Variants in RCAN3 observed in about 807,000 individuals in gnomAD.
The protein encoded by RCAN3 is regulator of calcineurin 3, also known as calcipressin-3.
In RCAN3, 19 loss-of-function variants were observed where a neutral mutation model predicts 21.9. That is an observed-to-expected ratio of 0.87 (90% CI 0.61 to 1.27). RCAN3 has a LOEUF of 1.27. Ranked by LOEUF, RCAN3 falls within the 50% of genes most tolerant of loss-of-function variation. RCAN3 has a pLI of 0.00. For synonymous variants in RCAN3, 114 were observed against 112.3 expected (o/e 1.01, Z -0.09); for missense variants, 240 against 300.1 (o/e 0.80, Z 1.48).
chr1:24,524,383 A>G (rs1057331800), intron 2 of RCAN3, among the ~76,000 whole-genome samples: 8 of 152,234 alleles, frequency 5.3e-5, no homozygotes, highest in African/African-American at 1.9e-4. Flanking sequence ...TGATGGCAAC[A>G]TAAATAATAA....
At chr1:24,518,593 T>TC (rs1437782507) in intron 2 of RCAN3, among the ~76,000 whole-genome samples, 5 of 151,492 alleles carry the variant, frequency 3.3e-5, no homozygotes, top group Admixed American at 6.6e-5. Flanking sequence ...TTTTTTTTTT[T>TC]CTCTGTCTTT....
At chr1:24,509,070 G>C (rs1647685005) in intron 1 of RCAN3, among the ~76,000 whole-genome samples, 1 of 152,064 alleles carries the variant, frequency 6.6e-6, no homozygotes, top group Non-Finnish European at 1.5e-5. Flanking sequence ...CTGAGGTGGG[G>C]GGATCACCTG....
chr1:24,531,632 C>G (rs1197748033), intron 3 of RCAN3, among the ~76,000 whole-genome samples: 1 of 152,138 alleles, frequency 6.6e-6, no homozygotes, highest in Non-Finnish European at 1.5e-5. Context: ...GTTGATTTTT[C>G]TGGCAGCTTT....
Position 24,536,051 on chromosome 1 carries a change from G to A in RCAN3, c.*774G>A, listed in dbSNP as rs1177929832. ...CCAGTAAGCTTGAATGATTAGGATC[G>A]CAGGTGGCTACTGCATTCTGCCGTT... On this transcript the variant is annotated 3_prime_UTR_variant, in exon 5 of 5. Transcript: ENST00000374395. 6.6e-6 allele frequency: 1 copy of A among 152,174 alleles called. No individual in the cohort carries two copies. The highest frequency in any genetic ancestry group is 2.1e-4 in the South Asian group (1 of 4,832). 9.4% of individuals were successfully genotyped at this position (152,174 alleles called of 1,614,324 possible). A position where few individuals can be genotyped will look rare whatever the true frequency, so the allele number is the denominator to read the frequency against.
chr1:24,514,382 G>T lies in RCAN3; in HGVS notation c.10G>T (p.Asp4Tyr). Residue 4 changes from aspartate to tyrosine, a missense_variant, in exon 2 of 5, where the codon GAC (aspartate) becomes TAC (tyrosine). Transcript: ENST00000374395. Reference sequence around the variant, plus strand: ...CCCACTTTGGGGGATAATGCTGAGGGACACTATGAAATCTTGGAATGATAG... The same window carrying T: ...CCCACTTTGGGGGATAATGCTGAGGTACACTATGAAATCTTGGAATGATAG... MLR[D>Y]TMKSWNDSQS... The T allele has an allele frequency of 6.2e-7, 1 of 1,613,104 alleles. No homozygotes were observed. The highest frequency in any genetic ancestry group is 8.5e-7 in the Non-Finnish European group (1 of 1,179,430).
At chr1:24,534,019 T>A (rs886524674) in intron 4 of RCAN3, among the ~76,000 whole-genome samples, 1 of 152,182 alleles carries the variant, frequency 6.6e-6, no homozygotes, top group Non-Finnish European at 1.5e-5. Context: ...TCCTTCAATA[T>A]TTTTGTCATT....
rs111269555 is a variant in RCAN3 at position 24,514,618 on chromosome 1, T to C, written c.195+51T>C. On this transcript the variant is annotated intron_variant, in intron 2 of 4. Transcript: ENST00000374395. ...ACATTTGTAGCATGTTAAATGTGTATGGATTTGGGGAAACAGAGCTTGACT... is the reference window on the plus strand; with the variant it reads ...ACATTTGTAGCATGTTAAATGTGTACGGATTTGGGGAAACAGAGCTTGACT... 32 of 1,545,974 alleles carry C rather than the reference T, an allele frequency of 2.1e-5. 1 individual carries two copies. The highest frequency in any genetic ancestry group is 1.5e-4 in the African/African-American group (11 of 73,580).
chr1:24,533,192 G>A lies in RCAN3; in HGVS notation c.479G>A (p.Ser160Asn), dbSNP rs1295667479. 6.2e-7 allele frequency: 1 copy of A among 1,607,170 alleles called. No individual in the cohort carries two copies. Among genetic ancestry groups the A allele is most frequent in the African/African-American group, 1.3e-5 (1 of 74,598 alleles). ...PASPPVGWKQSEDAMPVINYD... is the reference protein window; with the variant it reads ...PASPPVGWKQNEDAMPVINYD... ...TCTCCCCCGGTGGGGTGGAAGCAGA[G>A]CGAAGATGCGATGCCTGTTATAAAT... is the stretch of plus-strand genomic sequence containing the variant. The change falls in exon 4 of 5, where the codon AGC becomes AAC. Residue 160 changes from serine (S) to asparagine (N), a missense_variant. By Grantham distance (46) the Ser-to-Asn change is conservative (BLOSUM62 1). Transcript: ENST00000374395.
At position 24,540,548 on chromosome 1, in the gene RCAN3, C is replaced by T. The variant is rs183422198; in HGVS notation, c.*5271C>T. 3 of 152,292 alleles carry T rather than the reference C, an allele frequency of 2.0e-5. No individual in the cohort carries two copies. The highest frequency in any genetic ancestry group is 4.8e-5 in the African/African-American group (2 of 41,566). The allele number at this position is 152,292 out of a possible 1,614,324, so 9.4% of individuals were successfully genotyped here. On this transcript the variant is annotated 3_prime_UTR_variant, in exon 5 of 5. Transcript: ENST00000374395. ...GACTGAGGAGAGAGAAAGGTGGTTA[C>T]CCCTGTTACCGTGCCATATTCTTCT...
chr1:24,518,810 G>A (rs1425659799), intron 2 of RCAN3, among the ~76,000 whole-genome samples: 1 of 152,012 alleles, frequency 6.6e-6, no homozygotes, highest in Non-Finnish European at 1.5e-5. Flanking sequence ...GTCTCACTCT[G>A]TCACCCAGGC....
chr1:24,512,083 A>G (rs1647932947), intron 1 of RCAN3, among the ~76,000 whole-genome samples: 1 of 151,990 alleles, frequency 6.6e-6, no homozygotes, highest in Non-Finnish European at 1.5e-5. Context: ...GGAGAAGGAG[A>G]AATTGAAAGT....
At chr1:24,506,080 A>G (rs1647426060) in intron 1 of RCAN3, among the ~76,000 whole-genome samples, 1 of 152,160 alleles carries the variant, frequency 6.6e-6, no homozygotes, top group Non-Finnish European at 1.5e-5. Context: ...AGATGACGGG[A>G]AACCTGGATT....
chr1:24,503,991 C>G (rs939675520), intron 1 of RCAN3, among the ~76,000 whole-genome samples: 1 of 152,232 alleles, frequency 6.6e-6, no homozygotes, highest in African/African-American at 2.4e-5. Flanking sequence ...ATCTTAAACT[C>G]TGTAAACACA....
chr1:24,516,826 G>A (rs906019113), intron 2 of RCAN3, among the ~76,000 whole-genome samples: 2 of 152,148 alleles, frequency 1.3e-5, no homozygotes, highest in Admixed American at 6.5e-5. Context: ...AGCAGGGAAG[G>A]GGGCTGCACT....
intron 1 of RCAN3, among the ~76,000 whole-genome samples, chr1:24,513,652 A>C (rs1158582220): frequency 6.6e-6 from 1 of 152,144 alleles, no homozygotes; most frequent in Non-Finnish European, 1.5e-5. Flanking sequence ...ACACGACTCC[A>C]TCTCAAAAAC....
chr1:24,529,695 C>T (rs370185785), intron 2 of RCAN3, among the ~76,000 whole-genome samples: 3 of 150,986 alleles, frequency 2.0e-5, no homozygotes, highest in South Asian at 4.2e-4. Flanking sequence ...GGATTACAGG[C>T]GCCCACCACC....
intron 3 of RCAN3, 106 bp downstream of exon 3, chr1:24,531,497 T>A (rs546500163): frequency 2.8e-6 from 2 of 702,032 alleles, no homozygotes; most frequent in South Asian, 5.3e-5. Context: ...GTGTGTAGAG[T>A]GAACCATCTC....
At chr1:24,513,692 C>T (rs1039001704) in intron 1 of RCAN3, among the ~76,000 whole-genome samples, 3 of 152,230 alleles carry the variant, frequency 2.0e-5, no homozygotes, top group Admixed American at 6.5e-5. Context: ...GCATGAGCCA[C>T]CGTACCTGGC....
chr1:24,510,091 C>T (rs1375321915), intron 1 of RCAN3, among the ~76,000 whole-genome samples: 1 of 152,156 alleles, frequency 6.6e-6, no homozygotes, highest in Non-Finnish European at 1.5e-5. Flanking sequence ...TACAGTAAAC[C>T]ATGCTATAAA....
Sources: gnomAD v4.1 joint callset for allele counts (sites outside exome capture counted in the v4.1 genomes callset) on GRCh38, gnomAD v4.1.1 for gene constraint, MANE v1.5 for transcripts, NCBI Gene and HGNC (gene_info 2026-07-23, HGNC 2026-07-21) for gene names.